The following COL20A1 variants were observed in gnomAD, a reference collection of about 807,000 sequenced individuals.
COL20A1 encodes the protein collagen alpha-1(XX) chain.
COL20A1 carries 164 observed loss-of-function variants against 152.9 expected under a neutral mutation model. The ratio of observed to expected loss-of-function variants is 1.07; its 90% CI spans 0.94 to 1.22. COL20A1 has a LOEUF of 1.22. Among genes scored for constraint, COL20A1 ranks in the 50% most tolerant of loss-of-function variants. The probability of loss-of-function intolerance (pLI) is 0.00; values close to 1 mark genes in which losing one functional copy is unlikely to be tolerated. For synonymous variants in COL20A1, 864 were observed against 756.0 expected, an observed-to-expected ratio of 1.14 and a Z score of -2.34; for missense variants, 1,873 against 1,744.8, an observed-to-expected ratio of 1.07 and a Z score of -1.31.
At chr20:63,310,184 TTTGA>T (rs996091542) in intron 10 of COL20A1, among the ~76,000 whole-genome samples, 193 bp from the exon 11 acceptor site, 143 of 152,130 alleles carry the variant, frequency 9.4e-4, no homozygotes, top group Non-Finnish European at 3.1e-4. Flanking sequence ...GCCTTCTCCC[TTTGA>T]TTGATCGATC....
Position 63,297,862 on chromosome 20 carries a change from G to C in COL20A1, c.83-48G>C, listed in dbSNP as rs756383506. 2.8e-6 allele frequency: 4 copies of C among 1,438,440 alleles called. No individual in the cohort carries two copies. The South Asian group carries it at 4.7e-5, about 17-fold the overall frequency. 89.1% of individuals were successfully genotyped at this position (1,438,440 alleles called of 1,614,324 possible). A position where few individuals can be genotyped will look rare whatever the true frequency, so the allele number is the denominator to read the frequency against. On this transcript the variant is annotated intron_variant, in intron 2 of 35. Transcript: ENST00000358894. ...CCTGTACCCCCACAGCTGATTAGGT[G>C]GATGGGGAGGCCAGGTCAGTCCTGA...
intron 3 of COL20A1, among the ~76,000 whole-genome samples, chr20:63,304,151 G>T (rs2067893262): frequency 7.0e-6 from 1 of 142,704 alleles, no homozygotes; most frequent in Admixed American, 6.9e-5. Flanking sequence ...AGGTGTGCAG[G>T]TGTGGGTTCC....
At chr20:63,317,465 T>TAAAA (rs78678381) in intron 21 of COL20A1, among the ~76,000 whole-genome samples, 1 of 114,576 alleles carries the variant, frequency 8.7e-6, no homozygotes, top group Non-Finnish European at 1.8e-5. Context: ...CTCCGTCCCT[T>TAAAA]AAAAAAAAAA....
intron 34 of COL20A1, 86 bp from the exon 35 acceptor site, chr20:63,329,499 G>C: frequency 9.7e-7 from 1 of 1,026,818 alleles, no homozygotes. Context: ...GCCCAGGGAG[G>C]GGCCCTGACA....
chr20:63,325,647 G>T (rs959216810), intron 28 of COL20A1, 21 bp from the exon 29 acceptor site: 1 of 1,600,020 alleles, frequency 6.2e-7, no homozygotes, highest in African/African-American at 1.3e-5. Context: ...CTGCCTGGCC[G>T]GCCCCTCTGT....
Position 63,305,999 on chromosome 20 carries a change from C to T in COL20A1, c.456C>T (p.Pro152=), listed in dbSNP as rs1568768520. 1.2e-6 allele frequency: 2 copies of T among 1,612,762 alleles called. No homozygotes were observed. Among genetic ancestry groups the T allele is most frequent in the Non-Finnish European group, 1.7e-6 (2 of 1,179,762 alleles). Residue 152 remains proline, a synonymous_variant, in exon 5 of 36, where the codon CCC becomes CCT. Transcript: ENST00000358894. This position sits in a 1 kb window ranked among gnomAD's most constrained non-coding sequence, Gnocchi z 4.9. ...GSPDPEQASE[P]QVAFTPSQDP... is the part of the protein sequence containing the mutation. The stretch of plus-strand genomic sequence containing the variant: ...CAGACCCTGAGCAGGCTTCTGAGCC[C>T]CAAGTTGCCTTCACACCAAGCCAGG...
chr20:63,322,446 G>T (rs2123426922), intron 27 of COL20A1, among the ~76,000 whole-genome samples: 1 of 152,352 alleles, frequency 6.6e-6, no homozygotes, highest in East Asian at 1.9e-4. Flanking sequence ...TGGCCCTGAA[G>T]GCCGCCCTTG....
rs1292380283 is a variant in COL20A1 at position 63,316,044 on chromosome 20, A to G, written c.2525-509A>G. ...GTGGGGCTCGCCAGGGAATGGGGTC[A>G]TCGCAGGCCCCCAGGCAGGGTGGAT... On this transcript the variant is annotated intron_variant, in intron 20 of 35. Transcript: ENST00000358894. 3.3e-5 allele frequency among the ~76,000 whole-genome samples: 5 copies of G among 152,258 alleles called. No homozygotes were observed. In the East Asian group the frequency reaches 7.7e-4, roughly 24 times the overall value.
At position 63,313,189 on chromosome 20, in the gene COL20A1, A is replaced by G. The variant is rs1243603851; in HGVS notation, c.2149A>G (p.Ile717Val). The change falls in exon 17 of 36, where the codon ATC becomes GTC. Residue 717 changes from isoleucine to valine, a missense_variant. Physicochemically the swap from Ile to Val is conservative, Grantham distance 29. Coordinates refer to ENST00000358894, the MANE Select transcript of COL20A1 (RefSeq NM_020882.4). This position sits in a 1 kb window ranked among gnomAD's most constrained non-coding sequence, Gnocchi z 5.9. ...LGRHTEYDVT[I>V]LAYYRDGARS... ...GAGGCACACAGAGTACGACGTCACC[A>G]TCTTGGCCTACTACAGGGACGGGGC... The G allele has an allele frequency of 8.7e-6, 14 of 1,612,428 alleles. No homozygotes were observed. Among genetic ancestry groups the G allele is most frequent in the Non-Finnish European group, 1.1e-5 (13 of 1,179,740 alleles).
chr20:63,312,724 G>A lies in COL20A1; in HGVS notation c.1934-68G>A, dbSNP rs138437622. On this transcript the variant is annotated intron_variant, in intron 15 of 35. Coordinates refer to ENST00000358894, the MANE Select transcript of COL20A1 (RefSeq NM_020882.4). The stretch of plus-strand genomic sequence containing the variant: ...GGGGTATAGGGTGCTCCTGGGTGTG[G>A]CTGCCCCTCCTCTGAGGTGCCCAGG... The A allele has an allele frequency of 4.1e-6, 6 of 1,480,644 alleles. No homozygotes were observed. The African/African-American group carries it at 8.4e-5, about 21-fold the overall frequency. 91.7% of individuals were successfully genotyped at this position (1,480,644 alleles called of 1,614,324 possible).
In COL20A1 at chr20:63,313,031, T is replaced by C. The variant is rs2068033046; in HGVS notation, c.2077-86T>C. The C allele has an allele frequency of 1.9e-6, 3 of 1,545,430 alleles. No homozygotes were observed. The Admixed American group carries it at 5.8e-5, about 30-fold the overall frequency. On this transcript the variant is annotated intron_variant, in intron 16 of 35. Transcript: ENST00000358894. This position sits in a 1 kb window ranked among gnomAD's most constrained non-coding sequence, Gnocchi z 5.9. ...CTCAGAGCCATATGTGCGCCCACCC[T>C]GTCTCCCAGGGATGCCTCACTGCCC...
chr20:63,294,221 A>C (rs2067757253), intron 1 of COL20A1, among the ~76,000 whole-genome samples: 1 of 76,890 alleles, frequency 1.3e-5, no homozygotes, highest in Admixed American at 1.5e-4. Flanking sequence ...CTGGGGGTGC[A>C]GGGGAACGGA....
In COL20A1 at chr20:63,309,054, T is replaced by C. The variant is rs559412782; in HGVS notation, c.941-279T>C. ...GCCTGCTGTGCCCTGGCAAGGAGCT[T>C]CCTGGCATCCTCCAGGGCCTGGGAC... On this transcript the variant is annotated intron_variant, in intron 8 of 35. Coordinates refer to ENST00000358894, the MANE Select transcript of COL20A1 (RefSeq NM_020882.4). Among the ~76,000 whole-genome samples, 10 of 152,290 alleles carry C rather than the reference T, an allele frequency of 6.6e-5. No individual in the cohort carries two copies. The South Asian group carries it at 2.1e-3, about 32-fold the overall frequency.
Position 63,307,861 on chromosome 20 carries a change from C to T in COL20A1, c.656-110C>T, listed in dbSNP as rs148301152. On this transcript the variant is annotated intron_variant, in intron 6 of 35. Coordinates refer to ENST00000358894, the MANE Select transcript of COL20A1 (RefSeq NM_020882.4). Reference sequence around the variant, plus strand: ...TCTCCCTGGGGACTGGCTACTGTGGCCAGGTGACCCCACAGAGGCACGTGC... The same window carrying T: ...TCTCCCTGGGGACTGGCTACTGTGGTCAGGTGACCCCACAGAGGCACGTGC... The T allele has an allele frequency of 6.9e-4, 945 of 1,368,286 alleles. 4 individuals are homozygous for T. In the Middle Eastern group the frequency reaches 0.02, roughly 29 times the overall value. 84.8% of individuals were successfully genotyped at this position (1,368,286 alleles called of 1,614,324 possible).
intron 8 of COL20A1, 141 bp downstream of exon 8, chr20:63,308,847 C>T (rs2067965795): frequency 1.3e-6 from 1 of 773,692 alleles, no homozygotes; most frequent in Non-Finnish European, 2.0e-6. Context: ...CAGAGCCAGG[C>T]ACCGCCTGGC....
At chr20:63,297,433 CAG>C (rs1398698135) in intron 2 of COL20A1, among the ~76,000 whole-genome samples, 1 of 151,618 alleles carries the variant, frequency 6.6e-6, no homozygotes, top group Non-Finnish European at 1.5e-5. Context: ...GGACTTAGCT[CAG>C]GGGACCCAGC....
chr20:63,314,972 G>A (rs1327147075), intron 19 of COL20A1, among the ~76,000 whole-genome samples: 2 of 149,896 alleles, frequency 1.3e-5, no homozygotes, highest in African/African-American at 4.9e-5. Context: ...CCCAGGACAC[G>A]TGTGTCCCCA....
chr20:63,312,942 G>C lies in COL20A1; in HGVS notation c.2076+8G>C, dbSNP rs372995551. On this transcript the variant is annotated splice_region_variant and intron_variant, in intron 16 of 35. Coordinates refer to ENST00000358894, the MANE Select transcript of COL20A1 (RefSeq NM_020882.4). ...GAGGGGAAGGCTCACGAGGTGGGCA[G>C]GGGTGGGTTTGTCCTTCCGAGGGGC... 1 of 1,543,938 alleles carries C rather than the reference G, an allele frequency of 6.5e-7. No individual in the cohort carries two copies. The highest frequency in any genetic ancestry group is 2.4e-5 in the East Asian group (1 of 40,966).
chr20:63,316,897 G>A (rs957733211), intron 21 of COL20A1, among the ~76,000 whole-genome samples: 2 of 152,208 alleles, frequency 1.3e-5, no homozygotes, highest in Non-Finnish European at 2.9e-5. Flanking sequence ...AATCTCCATG[G>A]GCAGAGTGAG....
Sources: allele counts gnomAD v4.1 joint callset (sites outside exome capture counted in the v4.1 genomes callset), GRCh38; gene constraint gnomAD v4.1.1; non-coding constraint Gnocchi (gnomAD v3.1); transcripts MANE v1.5; gene names NCBI Gene and HGNC (gene_info 2026-07-23, HGNC 2026-07-21).